Variants in SHANK2 observed in about 807,000 individuals in gnomAD.
SHANK2 encodes SH3 and multiple ankyrin repeat domains 2.
A neutral mutation model predicts 133.7 loss-of-function variants in SHANK2; 43 were observed. The ratio of observed to expected loss-of-function variants is 0.32; its 90% CI spans 0.25 to 0.41. The LOEUF is 0.41. Among genes scored for constraint, SHANK2 ranks in the 10% least tolerant of loss-of-function variants. The pLI is 1.00. For synonymous variants in SHANK2, 1,017 were observed against 952.8 expected (o/e 1.07, Z -1.24); for missense variants, 1,994 against 2,235.8 (o/e 0.89, Z 2.18).
At chr11:71,156,307 T>C (rs1319572510) in intron 2 of SHANK2, among the ~76,000 whole-genome samples, 2 of 152,242 alleles carry the variant, frequency 1.3e-5, no homozygotes, top group Non-Finnish European at 2.9e-5. Context: ...AACCTCCATC[T>C]ATCCAGGTTT....
At chr11:70,539,610 C>T (rs1335644047) in intron 17 of SHANK2, among the ~76,000 whole-genome samples, 4 of 125,082 alleles carry the variant, frequency 3.2e-5, no homozygotes, top group East Asian at 3.4e-4. Flanking sequence ...CACAGGCTGG[C>T]GGCAACTCCG....
chr11:70,773,098 C>T (rs1947288327), intron 14 of SHANK2, among the ~76,000 whole-genome samples: 1 of 152,148 alleles, frequency 6.6e-6, no homozygotes, highest in Admixed American at 6.5e-5. Context: ...TACTGAGCTG[C>T]CAAGAGCTGA....
chr11:70,697,001 A>C (rs1478406531), intron 15 of SHANK2, among the ~76,000 whole-genome samples: 3 of 152,246 alleles, frequency 2.0e-5, no homozygotes, highest in African/African-American at 7.2e-5. Context: ...TCAGTGAAAG[A>C]AGCCAGTCAC....
intron 17 of SHANK2, among the ~76,000 whole-genome samples, chr11:70,520,969 G>A (rs373106921): frequency 1.7e-4 from 26 of 152,238 alleles, no homozygotes; most frequent in East Asian, 3.9e-4. Flanking sequence ...ACCTTTTGCC[G>A]TGCTTTCGAA....
intron 10 of SHANK2, among the ~76,000 whole-genome samples, chr11:70,929,549 C>A (rs553872992): frequency 6.6e-6 from 1 of 152,268 alleles, no homozygotes; most frequent in South Asian, 2.1e-4. Context: ...GCTCATGGCT[C>A]CTCCTCCATC....
At chr11:71,070,994 CA>C (rs1339617972) in intron 9 of SHANK2, among the ~76,000 whole-genome samples, 1 of 152,214 alleles carries the variant, frequency 6.6e-6, no homozygotes, top group African/African-American at 2.4e-5. Context: ...TACAGATCAT[CA>C]AAATGTGTTA....
intron 2 of SHANK2, among the ~76,000 whole-genome samples, chr11:71,161,870 A>C (rs1953026230): frequency 6.6e-6 from 1 of 152,204 alleles, no homozygotes; most frequent in African/African-American, 2.4e-5. Flanking sequence ...AACCTCTTTA[A>C]ATATTTTACA....
At chr11:70,561,462 C>T (rs1410034578) in intron 17 of SHANK2, among the ~76,000 whole-genome samples, 1 of 152,008 alleles carries the variant, frequency 6.6e-6, no homozygotes, top group Admixed American at 6.6e-5. Context: ...TTTGGTTGCT[C>T]CATTTTCCTT....
At chr11:70,729,282 A>G (rs1555031446) in intron 14 of SHANK2, among the ~76,000 whole-genome samples, 1 of 152,060 alleles carries the variant, frequency 6.6e-6, no homozygotes, top group East Asian at 1.9e-4. Context: ...CTTCCTGCTC[A>G]GTGAATGAAG....
intron 17 of SHANK2, among the ~76,000 whole-genome samples, chr11:70,544,620 C>T (rs2059666178): frequency 6.6e-6 from 1 of 152,212 alleles, no homozygotes; most frequent in Admixed American, 6.5e-5. Context: ...TCCCAACACC[C>T]CCTCCCTGGC....
chr11:70,533,092 G>A (rs782689422), intron 17 of SHANK2, among the ~76,000 whole-genome samples: 2 of 152,270 alleles, frequency 1.3e-5, no homozygotes, highest in Middle Eastern at 3.4e-3. Context: ...CTGGGGGGAG[G>A]GGCAATGGGA....
intron 17 of SHANK2, among the ~76,000 whole-genome samples, chr11:70,632,755 G>A (rs1218718202): frequency 6.6e-6 from 1 of 152,120 alleles, no homozygotes; most frequent in Non-Finnish European, 1.5e-5. Flanking sequence ...GGGTACATCC[G>A]GGCTGCAGAA....
At chr11:71,217,608 C>T (rs1555120180) in intron 2 of SHANK2, among the ~76,000 whole-genome samples, 1 of 152,154 alleles carries the variant, frequency 6.6e-6, no homozygotes, top group Non-Finnish European at 1.5e-5. Flanking sequence ...CATGTTACTG[C>T]CCCTGAAGAC....
At chr11:70,909,653 A>C (rs963273958) in intron 10 of SHANK2, among the ~76,000 whole-genome samples, 2 of 152,200 alleles carry the variant, frequency 1.3e-5, no homozygotes, top group African/African-American at 4.8e-5. Flanking sequence ...TCCAAAGCCT[A>C]GGAGAAGGCA....
intron 10 of SHANK2, among the ~76,000 whole-genome samples, chr11:70,930,220 T>C (rs1950483932): frequency 6.6e-6 from 1 of 152,228 alleles, no homozygotes; most frequent in South Asian, 2.1e-4. Context: ...AGTCCTGCCT[T>C]CTGCTTCCCT....
intron 2 of SHANK2, among the ~76,000 whole-genome samples, chr11:71,209,221 T>C (rs933361615): frequency 6.6e-6 from 1 of 152,192 alleles, no homozygotes; most frequent in Admixed American, 6.5e-5. Flanking sequence ...AGGATAAATG[T>C]CGCTCTGGGT....
intron 13 of SHANK2, among the ~76,000 whole-genome samples, chr11:70,802,132 G>C (rs1555050689): frequency 6.6e-6 from 1 of 152,132 alleles, no homozygotes; most frequent in Non-Finnish European, 1.5e-5. Flanking sequence ...CGGCACGGCT[G>C]GGGGCCCTGG....
chr11:70,866,606 C>T (rs1297898618), intron 11 of SHANK2, among the ~76,000 whole-genome samples: 3 of 152,022 alleles, frequency 2.0e-5, no homozygotes, highest in South Asian at 2.1e-4. Flanking sequence ...TTTGGGAATC[C>T]GAGGAGAGCA....
chr11:71,251,205 C>T (rs1429771861), intron 1 of SHANK2, among the ~76,000 whole-genome samples: 1 of 152,184 alleles, frequency 6.6e-6, no homozygotes, highest in African/African-American at 2.4e-5. Flanking sequence ...CCTGCACCAC[C>T]CTTTCTCCCT....
Sources: allele counts gnomAD v4.1 joint callset (sites outside exome capture counted in the v4.1 genomes callset), GRCh38; gene constraint gnomAD v4.1.1; transcripts MANE v1.5; gene names NCBI Gene and HGNC (gene_info 2026-07-23, HGNC 2026-07-21).